BIRC6: variants seen among roughly 807,000 people sequenced by gnomAD.
The protein encoded by BIRC6 is dual E2 ubiquitin-conjugating enzyme/E3 ubiquitin-protein ligase BIRC6.
BIRC6 carries 98 observed loss-of-function variants against 503.3 expected under a neutral mutation model. The observed-to-expected ratio is 0.19, with a 90% confidence interval of 0.17 to 0.23. The LOEUF is 0.23. Among genes scored for constraint, BIRC6 ranks in the 10% least tolerant of loss-of-function variants. The pLI is 1.00. For missense variants in BIRC6, 5,360 were observed against 5,806.0 expected, an observed-to-expected ratio of 0.92 and a Z score of 2.50; for synonymous variants, 2,240 against 2,078.7, an observed-to-expected ratio of 1.08 and a Z score of -2.11.
intron 65 of BIRC6, among the ~76,000 whole-genome samples, chr2:32,550,981 C>CT (rs2058383265): frequency 6.6e-6 from 1 of 151,962 alleles, no homozygotes; most frequent in Admixed American, 6.6e-5. Context: ...TTTCATCAGG[C>CT]TTTAGATGTT....
chr2:32,479,450 C>T lies in BIRC6; in HGVS notation c.7253-12C>T. ...ATAAATTATTAAAACAGGACTATCC[C>T]CTTACATACAGGAGAATTACTGGCT... On this transcript the variant is annotated splice_polypyrimidine_tract_variant and intron_variant, in intron 36 of 73. Coordinates refer to ENST00000421745, the MANE Select transcript of BIRC6 (RefSeq NM_016252.4). 1 of 1,587,636 alleles carries T rather than the reference C, an allele frequency of 6.3e-7. No individual in the cohort carries two copies. Among genetic ancestry groups the T allele is most frequent in the Non-Finnish European group, 8.6e-7 (1 of 1,165,846 alleles).
chr2:32,377,885 A>G, intron 2 of BIRC6, 116 bp downstream of exon 2: 1 of 841,170 alleles, frequency 1.2e-6, no homozygotes, highest in Non-Finnish European at 1.8e-6. Flanking sequence ...TGCTATAAAA[A>G]CAATTTACTT....
intron 54 of BIRC6, among the ~76,000 whole-genome samples, chr2:32,514,505 A>G (rs1342672411): frequency 1.3e-5 from 2 of 152,214 alleles, no homozygotes; most frequent in African/African-American, 4.8e-5. Flanking sequence ...TGTAACACAT[A>G]AAAAGTAGGC....
intron 65 of BIRC6, among the ~76,000 whole-genome samples, chr2:32,562,817 G>A (rs1395589168): frequency 1.3e-5 from 2 of 152,158 alleles, no homozygotes; most frequent in African/African-American, 4.8e-5. Flanking sequence ...GTATGAACAT[G>A]TAAGTGTTTA....
intron 14 of BIRC6, 109 bp downstream of exon 14, chr2:32,435,694 A>G (rs779946333): frequency 6.8e-6 from 8 of 1,175,174 alleles, no homozygotes; most frequent in Non-Finnish European, 9.2e-6. Flanking sequence ...GGTTTCAAGA[A>G]CACAATTAAA....
At position 32,618,688 on chromosome 2, in the gene BIRC6, T is replaced by C. The variant is rs2063379085; in HGVS notation, c.*784T>C. The stretch of plus-strand genomic sequence containing the variant: ...TCATTCTAAACTGATTTTTTTTTTC[T>C]AAAGGGCTCCTTTTTTCCTGGACTA... On this transcript the variant is annotated 3_prime_UTR_variant, in exon 74 of 74. Coordinates refer to ENST00000421745, the MANE Select transcript of BIRC6 (RefSeq NM_016252.4). 6.6e-6 allele frequency: 1 copy of C among 152,574 alleles called. No individual in the cohort carries two copies. Among genetic ancestry groups the C allele is most frequent in the African/African-American group, 2.4e-5 (1 of 41,438 alleles). The allele number at this position is 152,574 out of a possible 1,614,324, so 9.5% of individuals were successfully genotyped here.
chr2:32,549,146 T>C (rs2058265124), intron 64 of BIRC6, 167 bp from the exon 65 acceptor site: 1 of 458,470 alleles, frequency 2.2e-6, no homozygotes, highest in East Asian at 3.5e-5. Context: ...ACAAAACAGA[T>C]CCTTCTCTTT....
chr2:32,453,960 T>C lies in BIRC6; in HGVS notation c.4753+18T>C, dbSNP rs753961749. 9 of 1,590,534 alleles carry C rather than the reference T, an allele frequency of 5.7e-6. No individual in the cohort carries two copies. Among genetic ancestry groups the C allele is most frequent in the Admixed American group, 1.7e-5 (1 of 58,592 alleles). The stretch of plus-strand genomic sequence containing the variant: ...TGATGCAAGTACGTTTACTGGTATA[T>C]ACCTTCTTTTATTATATACTTTATG... On this transcript the variant is annotated intron_variant, in intron 23 of 73. Coordinates refer to ENST00000421745, the MANE Select transcript of BIRC6 (RefSeq NM_016252.4).
At chr2:32,597,064 A>G (rs2061722680) in intron 68 of BIRC6, among the ~76,000 whole-genome samples, 1 of 152,216 alleles carries the variant, frequency 6.6e-6, no homozygotes, top group African/African-American at 2.4e-5. Context: ...AAGTCTGAAA[A>G]CATGCAAGTT....
intron 23 of BIRC6, among the ~76,000 whole-genome samples, chr2:32,460,059 A>AT (rs2047660845): frequency 6.9e-6 from 1 of 145,466 alleles, no homozygotes; most frequent in Admixed American, 6.9e-5. Context: ...TCCTTGTGTT[A>AT]TTTTGTGCTT....
At chr2:32,517,696 C>A (rs951507995) in intron 55 of BIRC6, among the ~76,000 whole-genome samples, 1 of 152,086 alleles carries the variant, frequency 6.6e-6, no homozygotes, top group East Asian at 1.9e-4. Flanking sequence ...GCCTCAGCCT[C>A]CCAAGTAGCT....
chr2:32,381,293 G>A (rs915327705), intron 3 of BIRC6, among the ~76,000 whole-genome samples: 4 of 151,974 alleles, frequency 2.6e-5, no homozygotes, highest in Non-Finnish European at 4.4e-5. Flanking sequence ...AGGCTGCAGC[G>A]CAATGGCACA....
intron 21 of BIRC6, among the ~76,000 whole-genome samples, chr2:32,446,761 T>G (rs1239914180): frequency 7.9e-5 from 11 of 138,414 alleles, no homozygotes; most frequent in African/African-American, 2.9e-4. Context: ...TTTTTTTTTT[T>G]TTTTTTTTTT....
chr2:32,430,776 C>G (rs1441616407), intron 11 of BIRC6, 89 bp from the exon 12 acceptor site: 4 of 983,786 alleles, frequency 4.1e-6, no homozygotes, highest in Non-Finnish European at 4.5e-6. Flanking sequence ...AAAACCTACC[C>G]ATGAATTAAA....
chr2:32,587,551 C>T (rs1051585549), intron 66 of BIRC6, among the ~76,000 whole-genome samples: 19 of 152,086 alleles, frequency 1.2e-4, no homozygotes, highest in African/African-American at 4.6e-4. Context: ...AGGCAAAACC[C>T]TGTCTCTACT....
intron 66 of BIRC6, among the ~76,000 whole-genome samples, chr2:32,586,203 C>T (rs759229152): frequency 2.0e-5 from 3 of 151,152 alleles, no homozygotes; most frequent in Middle Eastern, 3.2e-3. Flanking sequence ...TGTTGGAAAA[C>T]ACTGATTAAA....
chr2:32,534,233 G>A (rs191082290), intron 61 of BIRC6, among the ~76,000 whole-genome samples: 114 of 151,130 alleles, frequency 7.5e-4, no homozygotes, highest in African/African-American at 2.6e-3. Context: ...AATTAGCCCG[G>A]TGTGGTAGTG....
chr2:32,575,151 T>A lies in BIRC6; in HGVS notation c.13145-5T>A, dbSNP rs749750647. On this transcript the variant is annotated splice_polypyrimidine_tract_variant and splice_region_variant and intron_variant, in intron 65 of 73. Transcript: ENST00000421745. ...ATTTTGTGCTTTTTCTTCTTCTCCT[T>A]ATAGTTCTGGACATGGCAAGACATG... 2 of 1,613,944 alleles carry A rather than the reference T, an allele frequency of 1.2e-6. No individual in the cohort carries two copies. Among genetic ancestry groups the A allele is most frequent in the Non-Finnish European group, 8.5e-7 (1 of 1,179,806 alleles).
chr2:32,605,731 A>C (rs1407446841), intron 71 of BIRC6, among the ~76,000 whole-genome samples: 2 of 152,070 alleles, frequency 1.3e-5, no homozygotes, highest in Non-Finnish European at 2.9e-5. Context: ...GGTCACGGGC[A>C]CCTGTAACCC....
Sources: gnomAD v4.1 joint callset for allele counts (sites outside exome capture counted in the v4.1 genomes callset) on GRCh38, gnomAD v4.1.1 for gene constraint, MANE v1.5 for transcripts, NCBI Gene and HGNC (gene_info 2026-07-23, HGNC 2026-07-21) for gene names.